Variants in ACSL3 observed in about 807,000 individuals in gnomAD.
ACSL3 encodes acyl-CoA synthetase long chain family member 3.
ACSL3 carries 34 observed loss-of-function variants against 84.7 expected under a neutral mutation model. The observed-to-expected ratio is 0.40, with a 90% CI of 0.31 to 0.53. The LOEUF (loss-of-function observed/expected upper bound fraction) is 0.53. Ranked by LOEUF, ACSL3 falls within the 20% of genes least tolerant of loss-of-function variation. The probability of loss-of-function intolerance (pLI) is 0.48; values close to 1 mark genes in which losing one functional copy is unlikely to be tolerated. For missense variants in ACSL3, 680 were observed against 873.1 expected (o/e 0.78, Z 2.79); for synonymous variants, 315 against 299.4 (o/e 1.05, Z -0.54).
At chr2:222,929,488 G>T (rs1696966519) in intron 13 of ACSL3, among the ~76,000 whole-genome samples, 1 of 151,984 alleles carries the variant, frequency 6.6e-6, no homozygotes, top group Admixed American at 6.6e-5. Flanking sequence ...ATTAAGTAAA[G>T]ATAAAGATTC....
rs1283257059 is a variant in ACSL3 at position 222,943,093 on chromosome 2, A to C, written c.*1439A>C. On this transcript the variant is annotated 3_prime_UTR_variant, in exon 17 of 17. Coordinates refer to ENST00000357430, the MANE Select transcript of ACSL3 (RefSeq NM_004457.5). ...CATCAAAAGGCAAAAATCAAAAAAA[A>C]AAAAAACAAAAACAAAAAAAAAGAT... The C allele has an allele frequency of 0.011, 1,089 of 102,950 alleles. 17 individuals carry two copies. The highest frequency in any genetic ancestry group is 0.092 in the African/African-American group (1,023 of 11,180). The allele number at this position is 102,950 out of a possible 1,614,324, so 6.4% of individuals were successfully genotyped here.
At chr2:222,912,950 A>G (rs1176240728) in intron 4 of ACSL3, among the ~76,000 whole-genome samples, 3 of 152,240 alleles carry the variant, frequency 2.0e-5, no homozygotes. Flanking sequence ...AATGCATTGC[A>G]CTAACGTCGT....
intron 1 of ACSL3, among the ~76,000 whole-genome samples, chr2:222,874,735 C>A (rs1302305214): frequency 1.3e-5 from 2 of 151,478 alleles, no homozygotes; most frequent in Non-Finnish European, 2.9e-5. Context: ...TAATCTAGAC[C>A]TGATTTAAAT....
In ACSL3 at chr2:222,943,593, T is replaced by G. The variant is rs1275265361; in HGVS notation, c.*1939T>G. On this transcript the variant is annotated 3_prime_UTR_variant, in exon 17 of 17. Coordinates refer to ENST00000357430, the MANE Select transcript of ACSL3 (RefSeq NM_004457.5). Reference sequence around the variant, plus strand: ...CATCTAATGAGGCAGGCTTAAACTCTATTTAGTTTCGTTTGTTTTCTCATA... The same window carrying G: ...CATCTAATGAGGCAGGCTTAAACTCGATTTAGTTTCGTTTGTTTTCTCATA... The G allele has an allele frequency of 6.5e-6, 1 of 154,216 alleles. No individual in the cohort carries two copies. The highest frequency in any genetic ancestry group is 1.4e-5 in the Non-Finnish European group (1 of 69,274). 9.6% of individuals were successfully genotyped at this position (154,216 alleles called of 1,614,324 possible).
chr2:222,867,120 AC>A, intron 1 of ACSL3, among the ~76,000 whole-genome samples: 1 of 152,002 alleles, frequency 6.6e-6, no homozygotes, highest in East Asian at 1.9e-4. Context: ...GATGTGAACC[AC>A]CATGCCCGGC....
chr2:222,885,016 C>T (rs547065699), intron 1 of ACSL3, among the ~76,000 whole-genome samples: 18 of 152,318 alleles, frequency 1.2e-4, no homozygotes, highest in Admixed American at 2.6e-4. Context: ...TTGTCAGGCT[C>T]TACCACTGAC....
At chr2:222,917,364 T>C (rs1156765231) in intron 5 of ACSL3, 1 of 152,240 alleles carries the variant, frequency 6.6e-6, no homozygotes, top group Non-Finnish European at 1.5e-5. Flanking sequence ...GCTGGGAATA[T>C]AAACGTGAGC....
chr2:222,912,666 A>C (rs568441828), intron 4 of ACSL3, among the ~76,000 whole-genome samples: 9 of 152,186 alleles, frequency 5.9e-5, no homozygotes, highest in Non-Finnish European at 1.3e-4. Flanking sequence ...TTTCCATCTT[A>C]TCCCAACAGT....
At chr2:222,892,694 T>C (rs1695871441) in intron 2 of ACSL3, among the ~76,000 whole-genome samples, 1 of 152,196 alleles carries the variant, frequency 6.6e-6, no homozygotes, top group African/African-American at 2.4e-5. Flanking sequence ...GTATTAACTA[T>C]AGAATTTATT....
intron 13 of ACSL3, among the ~76,000 whole-genome samples, chr2:222,929,326 A>C (rs1002432047): frequency 3.9e-5 from 6 of 152,118 alleles, no homozygotes; most frequent in Non-Finnish European, 8.8e-5. Context: ...GAGGGCTTCA[A>C]CCTTGTATTA....
rs1574530205 is a variant in ACSL3 at position 222,890,778 on chromosome 2, ATT to A, written c.-148+2891_-148+2892del. On this transcript the variant is annotated intron_variant, in intron 2 of 16. Coordinates refer to ENST00000357430, the MANE Select transcript of ACSL3 (RefSeq NM_004457.5). ...TGCCTCAGCCTCCCAAGTAGCTGGG[ATT>A]ACAGGTGCGTACCACCACACCTGGC... Among the ~76,000 whole-genome samples the A allele has an allele frequency of 3.3e-5, 5 of 152,050 alleles. No homozygotes were observed. The East Asian group carries it at 9.6e-4, about 29-fold the overall frequency.
intron 1 of ACSL3, among the ~76,000 whole-genome samples, chr2:222,885,788 G>C (rs918112271): frequency 6.6e-6 from 1 of 152,080 alleles, no homozygotes; most frequent in Non-Finnish European, 1.5e-5. Flanking sequence ...TGTCACCCAG[G>C]CTGGAGTGCA....
intron 13 of ACSL3, 128 bp from the exon 14 acceptor site, chr2:222,930,493 G>A (rs1696999591): frequency 1.4e-6 from 1 of 710,314 alleles, no homozygotes; most frequent in East Asian, 2.8e-5. Context: ...TTCATTCATA[G>A]TGTCTGCCTT....
At chr2:222,934,379 C>A in intron 15 of ACSL3, 151 bp from the exon 16 acceptor site, 1 of 517,574 alleles carries the variant, frequency 1.9e-6, no homozygotes, top group Non-Finnish European at 3.1e-6. Flanking sequence ...GTAAAACTGG[C>A]GGTTGCATGA....
At chr2:222,882,679 T>G (rs1223483941) in intron 1 of ACSL3, among the ~76,000 whole-genome samples, 1 of 151,914 alleles carries the variant, frequency 6.6e-6, no homozygotes, top group Non-Finnish European at 1.5e-5. Flanking sequence ...CTGTCAGGTC[T>G]GTGGCCTGGG....
intron 1 of ACSL3, among the ~76,000 whole-genome samples, chr2:222,866,657 G>A (rs62187223): frequency 0.1 from 13,828 of 135,898 alleles, 759 homozygotes; most frequent in Non-Finnish European, 0.13. Flanking sequence ...GCATGATTGT[G>A]TAGGGAAAGG....
In ACSL3 at chr2:222,927,198, C is replaced by G; in HGVS notation, c.1465+9C>G. 2 of 1,610,364 alleles carry G rather than the reference C, an allele frequency of 1.2e-6. No homozygotes were observed. The highest frequency in any genetic ancestry group is 1.7e-6 in the Non-Finnish European group (2 of 1,176,834). On this transcript the variant is annotated intron_variant, in intron 12 of 16. Coordinates refer to ENST00000357430, the MANE Select transcript of ACSL3 (RefSeq NM_004457.5). ...TGGAACAATTTCCGAAGGTAGTGTTCTCCATGGTCAGAGGCTGGAGTGTGA... is the reference window on the plus strand; with the variant it reads ...TGGAACAATTTCCGAAGGTAGTGTTGTCCATGGTCAGAGGCTGGAGTGTGA...
intron 4 of ACSL3, among the ~76,000 whole-genome samples, chr2:222,910,937 A>G (rs1176178428): frequency 6.6e-6 from 1 of 152,200 alleles, no homozygotes; most frequent in Non-Finnish European, 1.5e-5. Flanking sequence ...AATTGAAATC[A>G]TGAGTTAAGC....
chr2:222,934,671 C>T lies in ACSL3; in HGVS notation c.1989C>T (p.Ser663=), dbSNP rs533678113. 15 of 1,607,636 alleles carry T rather than the reference C, an allele frequency of 9.3e-6. No individual in the cohort carries two copies. Among genetic ancestry groups the T allele is most frequent in the South Asian group, 6.8e-5 (6 of 88,288 alleles). ...EMENEVLKVL[S]EAAISASLEK... is the part of the protein sequence containing the mutation. ...AAAATGAGGTACTTAAAGTGCTTTC[C>T]GAAGCTGCTATTTCAGGTGAGTATT... Residue 663 remains serine, a synonymous_variant, in exon 16 of 17, where the codon TCC becomes TCT. Coordinates refer to ENST00000357430, the MANE Select transcript of ACSL3 (RefSeq NM_004457.5).
Sources: gnomAD v4.1 joint callset for allele counts (sites outside exome capture counted in the v4.1 genomes callset) on GRCh38, gnomAD v4.1.1 for gene constraint, MANE v1.5 for transcripts, NCBI Gene and HGNC (gene_info 2026-07-23, HGNC 2026-07-21) for gene names.